EPHA6: variants seen among roughly 807,000 people sequenced by gnomAD.
The protein encoded by EPHA6 is EPH receptor A6.
Under a neutral mutation model 112.0 loss-of-function variants are expected in EPHA6, and 50 were observed. That is an observed-to-expected ratio of 0.45 (90% CI 0.36 to 0.56). The LOEUF (loss-of-function observed/expected upper bound fraction) is 0.56, where lower values mean the gene tolerates loss of function less well. EPHA6 is among the 20% of genes least tolerant of loss of function. The probability of loss-of-function intolerance (pLI) is 0.00; values close to 1 mark genes in which losing one functional copy is unlikely to be tolerated. For missense variants in EPHA6, 1,280 were observed against 1,417.4 expected (o/e 0.90, Z 1.56); for synonymous variants, 529 against 490.7 (o/e 1.08, Z -1.03).
intron 10 of EPHA6, among the ~76,000 whole-genome samples, chr3:97,520,056 C>T (rs549415357): frequency 6.6e-6 from 1 of 151,160 alleles, no homozygotes; most frequent in East Asian, 1.9e-4. Flanking sequence ...CAAGCTCTGC[C>T]TCCCGGGTTC....
intron 7 of EPHA6, chr3:97,466,632 C>T (rs1030368638): frequency 1.6e-6 from 1 of 606,588 alleles, no homozygotes; most frequent in Non-Finnish European, 3.0e-6. Flanking sequence ...GTTTATGTCT[C>T]TGGTAAAAAT....
intron 7 of EPHA6, chr3:97,466,354 C>A (rs763426116): frequency 6.2e-7 from 1 of 1,607,168 alleles, no homozygotes; most frequent in Non-Finnish European, 8.5e-7. Context: ...TCCTGCATCG[C>A]CCTGCCCCAT....
chr3:96,900,084 T>C (rs2038520665), intron 2 of EPHA6, among the ~76,000 whole-genome samples: 1 of 152,156 alleles, frequency 6.6e-6, no homozygotes, highest in Non-Finnish European at 1.5e-5. Context: ...TGGGAATTAT[T>C]ATTAATTACC....
intron 1 of EPHA6, among the ~76,000 whole-genome samples, chr3:96,821,742 T>C (rs1420582048): frequency 6.6e-6 from 1 of 151,866 alleles, no homozygotes; most frequent in African/African-American, 2.4e-5. Flanking sequence ...ATAAAGAAGA[T>C]TTATGTAAAG....
chr3:96,975,133 A>AT, intron 2 of EPHA6, among the ~76,000 whole-genome samples: 1 of 152,096 alleles, frequency 6.6e-6, no homozygotes, highest in Admixed American at 6.6e-5. Context: ...AATTTGGGCA[A>AT]TAGGGGTGGT....
At chr3:96,865,674 CTG>C (rs1441854386) in intron 1 of EPHA6, among the ~76,000 whole-genome samples, 1 of 136,278 alleles carries the variant, frequency 7.3e-6, no homozygotes, top group African/African-American at 2.8e-5. Context: ...AGAGCAAGAC[CTG>C]TCTCTTTAAA....
At chr3:97,188,742 TA>T (rs1241020915) in intron 3 of EPHA6, among the ~76,000 whole-genome samples, 1 of 151,814 alleles carries the variant, frequency 6.6e-6, no homozygotes, top group African/African-American at 2.4e-5. Context: ...TTATGTTAAG[TA>T]AAAAAATCAT....
chr3:97,611,219 G>A (rs2093717531), intron 13 of EPHA6, among the ~76,000 whole-genome samples: 1 of 151,682 alleles, frequency 6.6e-6, no homozygotes, highest in Admixed American at 6.6e-5. Context: ...GATATTGTAT[G>A]CATTATCTAT....
chr3:97,614,117 G>T lies in EPHA6; in HGVS notation c.2574+3263G>T, dbSNP rs757793138. ...ACTTTAACATTGTTTTTTGTTTTTT[G>T]TTTTTATTATACTTTAAGTTTTAGG... On this transcript the variant is annotated intron_variant, in intron 13 of 17. Transcript: ENST00000389672. Among the ~76,000 whole-genome samples, 6 of 151,586 alleles carry T rather than the reference G, an allele frequency of 4.0e-5. No homozygotes were observed. In the East Asian group the frequency reaches 7.8e-4, roughly 20 times the overall value.
chr3:97,270,813 T>C (rs980374784), intron 5 of EPHA6, among the ~76,000 whole-genome samples: 6 of 152,244 alleles, frequency 3.9e-5, no homozygotes, highest in African/African-American at 1.4e-4. Flanking sequence ...TTTTTCCTTT[T>C]TTAAGCTTCA....
intron 3 of EPHA6, among the ~76,000 whole-genome samples, chr3:97,148,325 T>G (rs2076092081): frequency 6.6e-6 from 1 of 151,978 alleles, no homozygotes; most frequent in Admixed American, 6.6e-5. Context: ...AATTAAAAAT[T>G]GGTTGGATGT....
chr3:97,530,539 C>CT (rs934031302), intron 10 of EPHA6, among the ~76,000 whole-genome samples: 89 of 147,122 alleles, frequency 6.0e-4, no homozygotes, highest in South Asian at 3.9e-3. Flanking sequence ...ACTACAACTT[C>CT]TTTTTTTTTT....
chr3:96,975,653 G>A (rs1204973213), intron 2 of EPHA6, among the ~76,000 whole-genome samples: 1 of 152,102 alleles, frequency 6.6e-6, no homozygotes, highest in Non-Finnish European at 1.5e-5. Context: ...AGAATTCCTT[G>A]GAGTACAAAT....
At chr3:97,191,305 T>G (rs993206061) in intron 3 of EPHA6, among the ~76,000 whole-genome samples, 3 of 152,116 alleles carry the variant, frequency 2.0e-5, no homozygotes, top group African/African-American at 7.2e-5. Flanking sequence ...TATTTATCAT[T>G]TATTTTGTTA....
chr3:97,657,492 T>A (rs1176009831), intron 14 of EPHA6, among the ~76,000 whole-genome samples: 1 of 151,848 alleles, frequency 6.6e-6, no homozygotes, highest in Non-Finnish European at 1.5e-5. Context: ...CATAATATGG[T>A]AGAGTAAACA....
At chr3:97,216,678 G>A (rs567203122) in intron 3 of EPHA6, among the ~76,000 whole-genome samples, 9 of 151,896 alleles carry the variant, frequency 5.9e-5, no homozygotes, top group Admixed American at 1.3e-4. Flanking sequence ...GTGGTAGCAC[G>A]AACTTAAACT....
At chr3:97,439,233 G>T (rs2107268322) in intron 6 of EPHA6, among the ~76,000 whole-genome samples, 1 of 152,202 alleles carries the variant, frequency 6.6e-6, no homozygotes, top group Middle Eastern at 3.4e-3. Context: ...TGTAATTTTG[G>T]ATTACTGGGA....
At chr3:97,494,917 A>C (rs557112132) in intron 10 of EPHA6, among the ~76,000 whole-genome samples, 2 of 152,162 alleles carry the variant, frequency 1.3e-5, no homozygotes, top group African/African-American at 2.4e-5. Flanking sequence ...TGATGTCTAG[A>C]TACGTCATCA....
At chr3:97,189,687 A>T (rs1008209999) in intron 3 of EPHA6, among the ~76,000 whole-genome samples, 2 of 152,008 alleles carry the variant, frequency 1.3e-5, no homozygotes, top group Non-Finnish European at 2.9e-5. Flanking sequence ...TTTGGAGATT[A>T]TACATTATTA....
Sources: gnomAD v4.1 joint callset for allele counts (sites outside exome capture counted in the v4.1 genomes callset) on GRCh38, gnomAD v4.1.1 for gene constraint, MANE v1.5 for transcripts, NCBI Gene and HGNC (gene_info 2026-07-23, HGNC 2026-07-21) for gene names.